The following LRRIQ3 variants were observed in gnomAD, a reference collection of about 807,000 sequenced individuals.
LRRIQ3 encodes leucine-rich repeat and IQ domain-containing protein 3.
A neutral mutation model predicts 59.3 loss-of-function variants in LRRIQ3; 75 were observed. The observed-to-expected ratio is 1.26, with a 90% CI of 1.05 to 1.53. The LOEUF (loss-of-function observed/expected upper bound fraction) is 1.53. Among genes scored for constraint, LRRIQ3 ranks in the 40% most tolerant of loss-of-function variants. The pLI is 0.00. For missense variants in LRRIQ3, 831 were observed against 710.0 expected, an observed-to-expected ratio of 1.17 and a Z score of -1.94; for synonymous variants, 250 against 231.3, an observed-to-expected ratio of 1.08 and a Z score of -0.73.
chr1:74,074,735 GAC>G lies in LRRIQ3; in HGVS notation c.921_922del (p.Ser308IlefsTer5), dbSNP rs779529183. 10 of 1,448,234 alleles carry G rather than the reference GAC, an allele frequency of 6.9e-6. No individual in the cohort carries two copies. Among genetic ancestry groups the G allele is most frequent in the Non-Finnish European group, 9.3e-6 (10 of 1,071,294 alleles). 89.7% of individuals were successfully genotyped at this position (1,448,234 alleles called of 1,614,324 possible). A position where few individuals can be genotyped will look rare whatever the true frequency, so the allele number is the denominator to read the frequency against. ...TGGTTTTAATTCACATAAAATAGATGACACATGTTTTCTGTGTTCACTGGAAT... is the reference window on the plus strand; with the variant it reads ...TGGTTTTAATTCACATAAAATAGATGACATGTTTTCTGTGTTCACTGGAAT... On this transcript the variant is annotated frameshift_variant, in exon 6 of 8. Coordinates refer to ENST00000354431, the MANE Select transcript of LRRIQ3 (RefSeq NM_001105659.2). LOFTEE classifies it high-confidence loss of function.
rs1462266867 is a variant in LRRIQ3 at position 74,198,146 on chromosome 1, G to T, written c.-151C>A. 6.7e-7 allele frequency: 1 copy of T among 1,488,746 alleles called. No individual in the cohort carries two copies. Among genetic ancestry groups the T allele is most frequent in the Non-Finnish European group, 8.9e-7 (1 of 1,121,924 alleles). 92.2% of individuals were successfully genotyped at this position (1,488,746 alleles called of 1,614,324 possible). A position where few individuals can be genotyped will look rare whatever the true frequency, so the allele number is the denominator to read the frequency against. On this transcript the variant is annotated 5_prime_UTR_variant, in exon 1 of 8. Transcript: ENST00000354431. ...AGTTCTCCACATCATGGTTTTCCGG[G>T]CGCCAGCCAAGGCGCTCCGGGGGCG...
chr1:74,078,147 A>G (rs1646230002), intron 5 of LRRIQ3, among the ~76,000 whole-genome samples: 2 of 151,912 alleles, frequency 1.3e-5, no homozygotes, highest in Admixed American at 1.3e-4. Flanking sequence ...ACCTGTATTC[A>G]GCAGTATGTT....
At chr1:74,176,987 G>T (rs1227889883) in intron 3 of LRRIQ3, among the ~76,000 whole-genome samples, 3 of 152,172 alleles carry the variant, frequency 2.0e-5, no homozygotes, top group African/African-American at 7.2e-5. Flanking sequence ...TGAGACCACA[G>T]ATTTTTCTGT....
chr1:74,041,197 T>C lies in LRRIQ3; in HGVS notation c.1718+16A>G, dbSNP rs752634969. On this transcript the variant is annotated intron_variant, in intron 7 of 7. Coordinates refer to ENST00000354431, the MANE Select transcript of LRRIQ3 (RefSeq NM_001105659.2). Reference sequence around the variant, plus strand: ...AATTGACTTTAATGCCTCTGTTATATCTAAATTGTACCTACCTAACTTTTT... The same window carrying C: ...AATTGACTTTAATGCCTCTGTTATACCTAAATTGTACCTACCTAACTTTTT... 2.6e-6 allele frequency: 4 copies of C among 1,521,222 alleles called. No individual in the cohort carries two copies. Among genetic ancestry groups the C allele is most frequent in the Non-Finnish European group, 3.6e-6 (4 of 1,123,832 alleles). The allele number at this position is 1,521,222 out of a possible 1,614,324, so 94.2% of individuals were successfully genotyped here.
rs186209665 is a variant in LRRIQ3, at chr1:74,039,113, C to A, written c.1718+2100G>T. 4.4e-3 allele frequency among the ~76,000 whole-genome samples: 668 copies of A among 152,192 alleles called. 4 individuals carry two copies. Among genetic ancestry groups the A allele is most frequent in the Middle Eastern group, 0.041 (12 of 294 alleles). ...TTAGAGAAGGTGCTAACTAGAATAACCAGTTTAGAGAGGAACATAAATGCC... is the reference window on the plus strand; with the variant it reads ...TTAGAGAAGGTGCTAACTAGAATAAACAGTTTAGAGAGGAACATAAATGCC... On this transcript the variant is annotated intron_variant, in intron 7 of 7. Coordinates refer to ENST00000354431, the MANE Select transcript of LRRIQ3 (RefSeq NM_001105659.2).
At chr1:74,032,664 C>T (rs1204595204) in intron 7 of LRRIQ3, among the ~76,000 whole-genome samples, 1 of 152,008 alleles carries the variant, frequency 6.6e-6, no homozygotes, top group African/African-American at 2.4e-5. Flanking sequence ...GAATAATTTC[C>T]TTATGTTAAG....
At chr1:74,130,947 GT>G (rs1159362753) in intron 4 of LRRIQ3, among the ~76,000 whole-genome samples, 2 of 152,012 alleles carry the variant, frequency 1.3e-5, no homozygotes, top group African/African-American at 4.8e-5. Flanking sequence ...CCTGGAGCTG[GT>G]TTTTTGAAAA....
At chr1:74,029,770 A>C (rs1185059141) in intron 7 of LRRIQ3, among the ~76,000 whole-genome samples, 2 of 152,082 alleles carry the variant, frequency 1.3e-5, no homozygotes, top group Non-Finnish European at 2.9e-5. Flanking sequence ...TTCGGAAGAA[A>C]TGGTACCAGC....
At chr1:74,046,429 C>A (rs1654205281) in intron 6 of LRRIQ3, among the ~76,000 whole-genome samples, 1 of 152,120 alleles carries the variant, frequency 6.6e-6, no homozygotes, top group Non-Finnish European at 1.5e-5. Context: ...TGGATCCCTA[C>A]CTTACACCTT....
chr1:74,136,061 C>T (rs938130979), intron 4 of LRRIQ3, among the ~76,000 whole-genome samples: 18 of 151,782 alleles, frequency 1.2e-4, no homozygotes, highest in East Asian at 7.8e-4. Context: ...TTACTAATGA[C>T]CTTACAGAAA....
At chr1:74,121,202 G>A (rs182073289) in intron 4 of LRRIQ3, among the ~76,000 whole-genome samples, 1 of 152,136 alleles carries the variant, frequency 6.6e-6, no homozygotes, top group East Asian at 1.9e-4. Flanking sequence ...TTTGCTTATT[G>A]GTCTACAGAG....
chr1:74,032,386 G>A (rs1373560687), intron 7 of LRRIQ3, among the ~76,000 whole-genome samples: 1 of 151,978 alleles, frequency 6.6e-6, no homozygotes, highest in Non-Finnish European at 1.5e-5. Context: ...CAGGCACATT[G>A]TGGCTAGTTG....
At position 74,041,970 on chromosome 1, in the gene LRRIQ3, A is replaced by G. The variant is rs772616273; in HGVS notation, c.998-37T>C. Reference sequence around the variant, plus strand: ...AGAAGCAAATATTATACATTATACAAGAGCTAAGTACATTTTATTTTCTCT... The same window carrying G: ...AGAAGCAAATATTATACATTATACAGGAGCTAAGTACATTTTATTTTCTCT... On this transcript the variant is annotated intron_variant, in intron 6 of 7. Coordinates refer to ENST00000354431, the MANE Select transcript of LRRIQ3 (RefSeq NM_001105659.2). The G allele has an allele frequency of 2.7e-6, 4 of 1,485,880 alleles. No individual in the cohort carries two copies. In the South Asian group the frequency reaches 5.9e-5, roughly 22 times the overall value. 92.0% of individuals were successfully genotyped at this position (1,485,880 alleles called of 1,614,324 possible). A position where few individuals can be genotyped will look rare whatever the true frequency, so the allele number is the denominator to read the frequency against.
At chr1:74,128,950 T>C (rs531304960) in intron 4 of LRRIQ3, among the ~76,000 whole-genome samples, 3 of 152,148 alleles carry the variant, frequency 2.0e-5, no homozygotes, top group Admixed American at 6.6e-5. Flanking sequence ...CTTCCTACTT[T>C]CCCCTGGATA....
chr1:74,111,858 T>C (rs1646699707), intron 4 of LRRIQ3, among the ~76,000 whole-genome samples: 2 of 152,036 alleles, frequency 1.3e-5, no homozygotes, highest in Non-Finnish European at 1.5e-5. Flanking sequence ...TTGAGGGCTA[T>C]GGTATTTTCA....
At chr1:74,139,304 G>A (rs1297582758) in intron 4 of LRRIQ3, among the ~76,000 whole-genome samples, 1 of 148,114 alleles carries the variant, frequency 6.8e-6, no homozygotes, top group Non-Finnish European at 1.5e-5. Context: ...AGGAGGGAGG[G>A]AGGGAGGGAA....
intron 1 of LRRIQ3, among the ~76,000 whole-genome samples, chr1:74,184,038 T>TA (rs1019443026): frequency 2.6e-5 from 4 of 152,014 alleles, no homozygotes; most frequent in Non-Finnish European, 5.9e-5. Flanking sequence ...ATACTTTATA[T>TA]AACTCGTATG....
At chr1:74,067,948 TA>T (rs1303242402) in intron 6 of LRRIQ3, among the ~76,000 whole-genome samples, 3 of 152,224 alleles carry the variant, frequency 2.0e-5, no homozygotes, top group African/African-American at 7.2e-5. Context: ...GCTCTCTTTT[TA>T]CTATAAGGTA....
chr1:74,116,034 TAC>T (rs1646772247), intron 4 of LRRIQ3, among the ~76,000 whole-genome samples: 1 of 152,026 alleles, frequency 6.6e-6, no homozygotes, highest in African/African-American at 2.4e-5. Flanking sequence ...GTCCAAAATA[TAC>T]ATTCTTTCTT....
Sources: gnomAD v4.1 joint callset for allele counts (sites outside exome capture counted in the v4.1 genomes callset) on GRCh38, gnomAD v4.1.1 for gene constraint, MANE v1.5 for transcripts, NCBI Gene and HGNC (gene_info 2026-07-23, HGNC 2026-07-21) for gene names.